The following DLGAP2 variants were observed in gnomAD, a reference collection of about 807,000 sequenced individuals.
DLGAP2 encodes the protein disks large-associated protein 2.
DLGAP2 carries 26 observed loss-of-function variants against 100.3 expected under a neutral mutation model. That is an observed-to-expected ratio of 0.26 (90% CI 0.19 to 0.36). The LOEUF (loss-of-function observed/expected upper bound fraction) is 0.36. DLGAP2 is among the 10% of genes least tolerant of loss of function. DLGAP2 has a pLI of 1.00. For synonymous variants in DLGAP2, 886 were observed against 630.1 expected, an observed-to-expected ratio of 1.41 and a Z score of -6.08; for missense variants, 1,858 against 1,453.2, an observed-to-expected ratio of 1.28 and a Z score of -4.53.
At chr8:853,748 T>A (rs1797224503) in intron 1 of DLGAP2, among the ~76,000 whole-genome samples, 1 of 152,152 alleles carries the variant, frequency 6.6e-6, no homozygotes, top group Admixed American at 6.5e-5. Context: ...TAATAAGAAT[T>A]CAGTATTCAT....
At chr8:1,386,139 A>G (rs958388612) in intron 3 of DLGAP2, among the ~76,000 whole-genome samples, 4 of 152,262 alleles carry the variant, frequency 2.6e-5, no homozygotes, top group African/African-American at 7.2e-5. Context: ...GAGTAAAAAG[A>G]TGAGATGCTC....
intron 3 of DLGAP2, among the ~76,000 whole-genome samples, chr8:1,466,422 G>A (rs957344368): frequency 2.0e-5 from 3 of 151,918 alleles, no homozygotes; most frequent in Non-Finnish European, 4.4e-5. Flanking sequence ...CTGGAACCAC[G>A]CGTGCAGTGA....
At chr8:833,859 A>G (rs1028203357) in intron 1 of DLGAP2, among the ~76,000 whole-genome samples, 2 of 152,208 alleles carry the variant, frequency 1.3e-5, no homozygotes, top group African/African-American at 4.8e-5. Context: ...TTCATCTTTT[A>G]TCTCAGAACA....
At chr8:1,444,530 AG>A (rs1797927336) in intron 3 of DLGAP2, among the ~76,000 whole-genome samples, 1 of 152,034 alleles carries the variant, frequency 6.6e-6, no homozygotes, top group South Asian at 2.1e-4. Flanking sequence ...ATTTTTTAAG[AG>A]AGAAAGAGAC....
At chr8:951,503 G>T (rs1200975515) in intron 2 of DLGAP2, among the ~76,000 whole-genome samples, 1 of 152,106 alleles carries the variant, frequency 6.6e-6, no homozygotes, top group Non-Finnish European at 1.5e-5. Flanking sequence ...TGCCCGTCTT[G>T]GCCTCCCAAA....
chr8:1,637,819 C>A (rs1437208940), intron 8 of DLGAP2, among the ~76,000 whole-genome samples: 3 of 152,162 alleles, frequency 2.0e-5, no homozygotes, highest in Admixed American at 1.3e-4. Context: ...CCATGGCACA[C>A]CTGCTGGGTG....
At chr8:1,347,912 A>T (rs1028335030) in intron 3 of DLGAP2, among the ~76,000 whole-genome samples, 3 of 148,886 alleles carry the variant, frequency 2.0e-5, no homozygotes, top group African/African-American at 5.0e-5. Context: ...ACAGAGCTAC[A>T]TTGCACTCAT....
intron 3 of DLGAP2, among the ~76,000 whole-genome samples, chr8:1,360,101 G>A (rs993492174): frequency 2.6e-5 from 4 of 152,140 alleles, no homozygotes; most frequent in African/African-American, 9.6e-5. Flanking sequence ...TTTGTGTGGG[G>A]TTCGGAGGAG....
At chr8:881,666 A>ATGTGTGTATATATATATATAT in intron 1 of DLGAP2, among the ~76,000 whole-genome samples, 1 of 131,044 alleles carries the variant, frequency 7.6e-6, no homozygotes, top group African/African-American at 2.7e-5. Flanking sequence ...CTTGTGGCTG[A>ATGTGTGTATATATATATATAT]ACACACACAC....
chr8:1,669,918 A>T (rs989713806), intron 10 of DLGAP2, 134 bp downstream of exon 10: 3 of 697,296 alleles, frequency 4.3e-6, no homozygotes, highest in African/African-American at 1.7e-5. Flanking sequence ...GGGTGCTCCC[A>T]TCTGTCCCCC....
At chr8:1,036,177 C>G (rs1386189147) in intron 2 of DLGAP2, among the ~76,000 whole-genome samples, 1 of 150,780 alleles carries the variant, frequency 6.6e-6, no homozygotes, top group African/African-American at 2.4e-5. Context: ...TCATCCCGAC[C>G]CCGCGTGTCA....
At chr8:1,119,478 G>T (rs1381368624) in intron 2 of DLGAP2, among the ~76,000 whole-genome samples, 1 of 152,186 alleles carries the variant, frequency 6.6e-6, no homozygotes, top group Admixed American at 6.5e-5. Context: ...TCATAAATGA[G>T]CACAAGGCCC....
chr8:1,519,739 C>T (rs933519431), intron 4 of DLGAP2, among the ~76,000 whole-genome samples: 1 of 152,246 alleles, frequency 6.6e-6, no homozygotes, highest in East Asian at 1.9e-4. Flanking sequence ...AGCCAGCCTG[C>T]GGGCCTGGCC....
At chr8:1,261,456 C>T (rs1799348016) in intron 3 of DLGAP2, among the ~76,000 whole-genome samples, 1 of 151,854 alleles carries the variant, frequency 6.6e-6, no homozygotes, top group Non-Finnish European at 1.5e-5. Flanking sequence ...AGGTCAGCTT[C>T]CAGATCTTTA....
intron 1 of DLGAP2, among the ~76,000 whole-genome samples, chr8:904,690 C>T (rs1241703817): frequency 5.3e-5 from 8 of 152,108 alleles, no homozygotes; most frequent in South Asian, 2.1e-4. Context: ...TGTCAGTGCT[C>T]GCAGCTGGCT....
intron 4 of DLGAP2, among the ~76,000 whole-genome samples, chr8:1,546,334 C>T (rs1424947112): frequency 1.3e-5 from 2 of 152,144 alleles, no homozygotes; most frequent in African/African-American, 4.8e-5. Flanking sequence ...GAGAAACAGC[C>T]CCACACCTTG....
intron 3 of DLGAP2, among the ~76,000 whole-genome samples, chr8:1,342,792 T>G (rs1382391250): frequency 6.6e-6 from 1 of 152,226 alleles, no homozygotes; most frequent in African/African-American, 2.4e-5. Flanking sequence ...AAGACTCATG[T>G]GGTGCCTATT....
At chr8:1,623,693 C>T (rs557441220) in intron 6 of DLGAP2, among the ~76,000 whole-genome samples, 1 of 152,324 alleles carries the variant, frequency 6.6e-6, no homozygotes, top group Admixed American at 6.5e-5. Flanking sequence ...GGCACCAGTG[C>T]ACAATGACCT....
At chr8:1,544,643 C>G (rs1293668813) in intron 4 of DLGAP2, among the ~76,000 whole-genome samples, 4 of 152,086 alleles carry the variant, frequency 2.6e-5, no homozygotes, top group African/African-American at 9.7e-5. Flanking sequence ...CTATGTTGAA[C>G]CACCCTTGCA....
Sources: allele counts gnomAD v4.1 joint callset (sites outside exome capture counted in the v4.1 genomes callset), GRCh38; gene constraint gnomAD v4.1.1; transcripts MANE v1.5; gene names NCBI Gene and HGNC (gene_info 2026-07-23, HGNC 2026-07-21).